The following EFR3A variants were observed in gnomAD, a reference collection of about 807,000 sequenced individuals.
EFR3A encodes EFR3 homolog A.
EFR3A carries 76 observed loss-of-function variants against 104.4 expected under a neutral mutation model. The ratio of observed to expected loss-of-function variants is 0.73; its 90% confidence interval spans 0.60 to 0.88. EFR3A has a LOEUF of 0.88. EFR3A is among the 40% of genes least tolerant of loss of function. The pLI, the probability that EFR3A is intolerant of heterozygous loss-of-function variation, is 0.00. For synonymous variants in EFR3A, 330 were observed against 330.0 expected (o/e 1.00, Z 0.00); for missense variants, 985 against 1,012.5 (o/e 0.97, Z 0.37).
chr8:131,945,792 A>G (rs921411015), intron 3 of EFR3A, among the ~76,000 whole-genome samples: 2 of 152,030 alleles, frequency 1.3e-5, no homozygotes, highest in South Asian at 2.1e-4. Flanking sequence ...GGAACATTTC[A>G]AGTCCTTTTC....
chr8:131,924,107 AT>A, intron 1 of EFR3A: 1 of 444,454 alleles, frequency 2.2e-6, no homozygotes, highest in South Asian at 1.6e-5. Flanking sequence ...ATGAATGCTT[AT>A]TAGATTGTTT....
intron 21 of EFR3A, among the ~76,000 whole-genome samples, 159 bp downstream of exon 21, chr8:132,002,865 C>G (rs181843873): frequency 6.6e-6 from 1 of 152,182 alleles, no homozygotes; most frequent in Non-Finnish European, 1.5e-5. Context: ...ATCTATGAGA[C>G]CTAAATAATT....
intron 14 of EFR3A, among the ~76,000 whole-genome samples, chr8:131,982,393 G>C (rs1455996228): frequency 6.6e-6 from 1 of 151,886 alleles, no homozygotes; most frequent in Admixed American, 6.6e-5. Context: ...TTTGTTGTCA[G>C]ACATTTGAAT....
At chr8:131,962,203 A>C (rs547111150) in intron 8 of EFR3A, among the ~76,000 whole-genome samples, 2 of 152,358 alleles carry the variant, frequency 1.3e-5, no homozygotes, top group South Asian at 4.1e-4. Context: ...AAATTCACAC[A>C]TAACAATATT....
At chr8:131,998,487 T>G (rs1302418312) in intron 19 of EFR3A, among the ~76,000 whole-genome samples, 1 of 152,042 alleles carries the variant, frequency 6.6e-6, no homozygotes, top group African/African-American at 2.4e-5. Flanking sequence ...AACAAACTTC[T>G]GTTTCCCTAA....
chr8:131,923,452 C>G (rs2130455924), intron 1 of EFR3A, among the ~76,000 whole-genome samples: 1 of 147,640 alleles, frequency 6.8e-6, no homozygotes, highest in Admixed American at 6.8e-5. Context: ...TCATTTTGCT[C>G]TGTATAAACT....
chr8:131,971,451 G>C (rs1820045522), intron 10 of EFR3A, among the ~76,000 whole-genome samples: 1 of 152,150 alleles, frequency 6.6e-6, no homozygotes. Flanking sequence ...CACTTTGGGA[G>C]GCTGAGGCGG....
chr8:131,979,499 T>C (rs1820495842), intron 14 of EFR3A, 78 bp downstream of exon 14: 3 of 1,021,950 alleles, frequency 2.9e-6, no homozygotes, highest in Non-Finnish European at 4.3e-6. Context: ...TATATTGATC[T>C]GTGCCCTTGA....
chr8:132,010,452 T>TATATATATATATATATATATATAAA, intron 22 of EFR3A, among the ~76,000 whole-genome samples: 1 of 98,778 alleles, frequency 1.0e-5, no homozygotes, highest in African/African-American at 4.1e-5. Flanking sequence ...ATATATATAA[T>TATATATATATATATATATATATAAA]GAAATACCAT....
intron 18 of EFR3A, among the ~76,000 whole-genome samples, chr8:131,993,900 A>G (rs1221167766): frequency 1.3e-5 from 2 of 152,108 alleles, no homozygotes; most frequent in Non-Finnish European, 2.9e-5. Flanking sequence ...ACAGACACAT[A>G]GAGGGGAACA....
chr8:131,917,628 G>A (rs781634787), intron 1 of EFR3A, among the ~76,000 whole-genome samples: 1 of 152,306 alleles, frequency 6.6e-6, no homozygotes, highest in South Asian at 2.1e-4. Flanking sequence ...TATTTGCATA[G>A]AGGTGAGATA....
chr8:131,957,420 G>C (rs1274021376), intron 7 of EFR3A, among the ~76,000 whole-genome samples: 7 of 144,022 alleles, frequency 4.9e-5, no homozygotes, highest in Non-Finnish European at 9.0e-5. Context: ...GCATGATCTT[G>C]GCTCACCACA....
At chr8:131,993,971 A>T (rs1030959186) in intron 18 of EFR3A, among the ~76,000 whole-genome samples, 1 of 152,124 alleles carries the variant, frequency 6.6e-6, no homozygotes, top group African/African-American at 2.4e-5. Context: ...CCAGAAAACA[A>T]CTAATGGATA....
rs768430214 is a variant in EFR3A, at chr8:131,977,110, A to G, written c.1326+18A>G. 1 of 1,572,682 alleles carries G rather than the reference A, an allele frequency of 6.4e-7. No individual in the cohort carries two copies. The highest frequency in any genetic ancestry group is 8.7e-7 in the Non-Finnish European group (1 of 1,151,670). On this transcript the variant is annotated intron_variant, in intron 12 of 22. Transcript: ENST00000254624. ...TGCTTATGGTAAGGCATTTAAGACA[A>G]ATAAAGGACACACTTAACCTTAAAT... is the stretch of plus-strand genomic sequence containing the variant.
chr8:131,933,007 T>C (rs1294360936), intron 1 of EFR3A, among the ~76,000 whole-genome samples: 1 of 152,150 alleles, frequency 6.6e-6, no homozygotes, highest in Non-Finnish European at 1.5e-5. Context: ...TAAATTTCAA[T>C]GTGATAGTAC....
At chr8:131,965,742 C>T (rs1246291005) in intron 8 of EFR3A, among the ~76,000 whole-genome samples, 1 of 151,884 alleles carries the variant, frequency 6.6e-6, no homozygotes, top group Middle Eastern at 3.2e-3. Context: ...AATCATGCTG[C>T]TATAAAGACA....
chr8:131,940,339 T>C (rs756414677), intron 1 of EFR3A, 160 bp from the exon 2 acceptor site: 5 of 743,804 alleles, frequency 6.7e-6, no homozygotes, highest in Non-Finnish European at 1.0e-5. Context: ...GAAATTTAAC[T>C]TTGTCTTTTC....
rs796253819 is a variant in EFR3A at position 132,012,332 on chromosome 8, A to G, written c.*1437A>G. The G allele has an allele frequency of 3.0e-4, 45 of 152,336 alleles. No individual in the cohort carries two copies. Among genetic ancestry groups the G allele is most frequent in the African/African-American group, 1.1e-3 (44 of 41,582 alleles). The allele number at this position is 152,336 out of a possible 1,614,324, so 9.4% of individuals were successfully genotyped here. ...AAAGTAAGGAAACGATAATAGGACAAGCATACTTGAAAATTTCTGAATACT... is the reference window on the plus strand; with the variant it reads ...AAAGTAAGGAAACGATAATAGGACAGGCATACTTGAAAATTTCTGAATACT... On this transcript the variant is annotated 3_prime_UTR_variant, in exon 23 of 23. Transcript: ENST00000254624.
chr8:131,936,891 T>C (rs1017304715), intron 1 of EFR3A, among the ~76,000 whole-genome samples: 3 of 152,114 alleles, frequency 2.0e-5, no homozygotes, highest in Admixed American at 6.6e-5. Flanking sequence ...TTTCGGTTTT[T>C]TTATAGAGGC....
Sources: allele counts gnomAD v4.1 joint callset (sites outside exome capture counted in the v4.1 genomes callset), GRCh38; gene constraint gnomAD v4.1.1; transcripts MANE v1.5; gene names NCBI Gene and HGNC (gene_info 2026-07-23, HGNC 2026-07-21).